Variants in KCTD2 observed in about 807,000 individuals in gnomAD.
The protein encoded by KCTD2 is potassium channel tetramerization domain containing 2.
In KCTD2, 18 loss-of-function variants were observed where a neutral mutation model predicts 27.9. The ratio of observed to expected loss-of-function variants is 0.64; its 90% CI spans 0.45 to 0.96. The LOEUF is 0.96. Ranked by LOEUF, KCTD2 falls within the 40% of genes least tolerant of loss-of-function variation. The pLI is 0.00. For synonymous variants in KCTD2, 175 were observed against 148.4 expected (o/e 1.18, Z -1.30); for missense variants, 280 against 348.0 (o/e 0.80, Z 1.56).
Position 75,064,781 on chromosome 17 carries a change from A to G in KCTD2, c.*1734A>G, listed in dbSNP as rs1010060575. 1 of 151,704 alleles carries G rather than the reference A, an allele frequency of 6.6e-6. No individual in the cohort carries two copies. The highest frequency in any genetic ancestry group is 1.5e-5 in the Non-Finnish European group (1 of 67,964). 9.4% of individuals were successfully genotyped at this position (151,704 alleles called of 1,614,324 possible). On this transcript the variant is annotated 3_prime_UTR_variant, in exon 6 of 6. Transcript: ENST00000322444. Reference sequence around the variant, plus strand: ...ATCCATCCAGTCGTATCTTTCAGAGAAAAAAAAAGTTAGATGTAGCCAAGG... The same window carrying G: ...ATCCATCCAGTCGTATCTTTCAGAGGAAAAAAAAGTTAGATGTAGCCAAGG...
chr17:75,052,521 A>G (rs565799306), intron 2 of KCTD2, among the ~76,000 whole-genome samples: 1 of 152,378 alleles, frequency 6.6e-6, no homozygotes, highest in African/African-American at 2.4e-5. Context: ...CAGGAGTTCA[A>G]GACCAGCCTG....
upstream of KCTD2, chr17:75,042,696 T>G: frequency 6.3e-7 from 1 of 1,576,952 alleles, no homozygotes; most frequent in Non-Finnish European, 8.6e-7. Context: ...GGCTTTTTTA[T>G]GAGGTGAATT....
rs2144948355 is a variant in KCTD2 at position 75,065,135 on chromosome 17, A to C, written c.*2088A>C. ...TTAGATTCCATAGTTGCCGCCATGA[A>C]AAGACTGCTCTTGAGCCCCAAGGCA... On this transcript the variant is annotated 3_prime_UTR_variant, in exon 6 of 6. Coordinates refer to ENST00000322444, the MANE Select transcript of KCTD2 (RefSeq NM_015353.3). 1 of 152,154 alleles carries C rather than the reference A, an allele frequency of 6.6e-6. No homozygotes were observed. Among genetic ancestry groups the C allele is most frequent in the East Asian group, 1.9e-4 (1 of 5,180 alleles). The allele number at this position is 152,154 out of a possible 1,614,324, so 9.4% of individuals were successfully genotyped here.
intron 3 of KCTD2, 103 bp from the exon 4 acceptor site, chr17:75,059,407 G>A (rs1223509642): frequency 6.5e-6 from 4 of 619,484 alleles, no homozygotes; most frequent in Non-Finnish European, 1.1e-5. Context: ...AGATTTCCAA[G>A]CAAACTCCTT....
At chr17:75,053,858 CTTTTTTTTT>C (rs71159419) in intron 3 of KCTD2, among the ~76,000 whole-genome samples, 3 of 59,328 alleles carry the variant, frequency 5.1e-5, no homozygotes, top group African/African-American at 2.9e-4. Context: ...GTGAACCATG[CTTTTTTTTT>C]TTTTTTTTTT....
chr17:75,046,114 G>A (rs373196222), upstream of KCTD2, among the ~76,000 whole-genome samples: 3 of 152,252 alleles, frequency 2.0e-5, no homozygotes, highest in East Asian at 1.9e-4. Context: ...ACGGAGTCTC[G>A]CACTGTCGCC....
At chr17:75,049,638 A>AGT (rs1450586950) in intron 2 of KCTD2, among the ~76,000 whole-genome samples, 1 of 152,232 alleles carries the variant, frequency 6.6e-6, no homozygotes, top group East Asian at 1.9e-4. Flanking sequence ...GTGTGCTAGC[A>AGT]GTGAGTGTCT....
At chr17:75,056,515 C>G (rs192155774) in intron 3 of KCTD2, among the ~76,000 whole-genome samples, 1 of 152,110 alleles carries the variant, frequency 6.6e-6, no homozygotes, top group African/African-American at 2.4e-5. Flanking sequence ...GTTTGATGAC[C>G]GCAATTAAAT....
chr17:75,049,427 A>G, intron 2 of KCTD2, 99 bp downstream of exon 2: 4 of 728,452 alleles, frequency 5.5e-6, no homozygotes, highest in South Asian at 5.3e-5. Flanking sequence ...CATCAGGCGC[A>G]TGTGCAGGTA....
At chr17:75,059,254 C>T (rs1426862572) in intron 3 of KCTD2, 3 of 305,180 alleles carry the variant, frequency 9.8e-6, no homozygotes, top group Non-Finnish European at 1.8e-5. Context: ...TATTCTTTCA[C>T]TCTTTGGATA....
intron 3 of KCTD2, among the ~76,000 whole-genome samples, chr17:75,038,063 A>G (rs1480472930): frequency 6.6e-6 from 1 of 151,914 alleles, no homozygotes; most frequent in East Asian, 1.9e-4. Context: ...AATAATAATA[A>G]AATAAAATAA....
At chr17:75,044,779 C>A (rs2073196344), upstream of KCTD2, among the ~76,000 whole-genome samples, 1 of 152,120 alleles carries the variant, frequency 6.6e-6, no homozygotes, top group Admixed American at 6.5e-5. Context: ...TAAAAGACTG[C>A]AAAGTCAAAA....
At chr17:75,058,713 C>T (rs968308317) in intron 3 of KCTD2, among the ~76,000 whole-genome samples, 6 of 151,586 alleles carry the variant, frequency 4.0e-5, no homozygotes, top group Non-Finnish European at 8.8e-5. Flanking sequence ...GCGGGAGAAT[C>T]GCTTGAACCG....
At chr17:75,040,240 C>T (rs924557829) in intron 3 of KCTD2, 3 of 1,563,658 alleles carry the variant, frequency 1.9e-6, no homozygotes, top group Non-Finnish European at 2.6e-6. Flanking sequence ...GCCAATACAC[C>T]CAGGAGCTCA....
At position 75,059,500 on chromosome 17, in the gene KCTD2, G is replaced by A. The variant is rs1403487914; in HGVS notation, c.541-10G>A. 6.2e-7 allele frequency: 1 copy of A among 1,607,666 alleles called. No homozygotes were observed. The highest frequency in any genetic ancestry group is 1.3e-5 in the African/African-American group (1 of 74,752). On this transcript the variant is annotated splice_polypyrimidine_tract_variant and intron_variant, in intron 3 of 5. Transcript: ENST00000322444. ...TGGTGCTGTTCTCAGTCTGCGCCTG[G>A]TCATTGCAGGGCCCCGTGAAGCACG...
At chr17:75,035,172 T>G (rs1322711897) in intron 2 of KCTD2, 1 of 151,914 alleles carries the variant, frequency 6.6e-6, no homozygotes, top group South Asian at 2.1e-4. Flanking sequence ...AGGGTTCGAG[T>G]CCCTTCGTGG....
At chr17:75,044,879 T>C (rs914312578), upstream of KCTD2, among the ~76,000 whole-genome samples, 1 of 152,224 alleles carries the variant, frequency 6.6e-6, no homozygotes, top group African/African-American at 2.4e-5. Context: ...TGTCCTGTCC[T>C]TCCTTTCTTT....
At chr17:75,042,153 T>G in intron 3 of KCTD2, 1 of 1,590,400 alleles carries the variant, frequency 6.3e-7, no homozygotes. Flanking sequence ...TGTTACAAGC[T>G]CAGTGCTTTA....
At chr17:75,034,464 G>A (rs561148855) in intron 2 of KCTD2, among the ~76,000 whole-genome samples, 4 of 152,214 alleles carry the variant, frequency 2.6e-5, no homozygotes, top group East Asian at 1.9e-4. Flanking sequence ...ACAATCCCTG[G>A]CTTAGGAGGC....
Sources: allele counts gnomAD v4.1 joint callset (sites outside exome capture counted in the v4.1 genomes callset), GRCh38; gene constraint gnomAD v4.1.1; transcripts MANE v1.5; gene names NCBI Gene and HGNC (gene_info 2026-07-23, HGNC 2026-07-21).